The following MMS22L variants were observed in gnomAD, a reference collection of about 807,000 sequenced individuals.
MMS22L encodes the protein protein MMS22-like.
A neutral mutation model predicts 159.1 loss-of-function variants in MMS22L; 74 were observed. The observed-to-expected ratio is 0.47, with a 90% CI of 0.39 to 0.56. MMS22L has a LOEUF of 0.56. Ranked by LOEUF, MMS22L falls within the 20% of genes least tolerant of loss-of-function variation. The pLI, the probability that MMS22L is intolerant of heterozygous loss-of-function variation, is 0.00. For synonymous variants in MMS22L, 517 were observed against 506.9 expected (o/e 1.02, Z -0.27); for missense variants, 1,351 against 1,422.1 (o/e 0.95, Z 0.80).
chr6:97,260,008 G>A (rs1814283313), intron 9 of MMS22L: 1 of 152,080 alleles, frequency 6.6e-6, no homozygotes, highest in African/African-American at 2.4e-5. Flanking sequence ...TTGAGGCCTT[G>A]TTTTAAGTTG....
At chr6:97,176,361 T>TA (rs1271651551) in intron 18 of MMS22L, among the ~76,000 whole-genome samples, 1 of 152,078 alleles carries the variant, frequency 6.6e-6, no homozygotes, top group East Asian at 1.9e-4. Context: ...TTCCCTAGCC[T>TA]AAAAAACATG....
rs1349267299 is a variant in MMS22L at position 97,272,771 on chromosome 6, T to C, written c.539A>G (p.Tyr180Cys). 5 of 1,613,920 alleles carry C rather than the reference T, an allele frequency of 3.1e-6. No individual in the cohort carries two copies. In the African/African-American group the frequency reaches 5.3e-5, roughly 17 times the overall value. ...LIDELHGLLL[Y>C]IGHLSELPSV... is the part of the protein sequence containing the mutation. ...GGGAAGTTCAGATAGGTGTCCAATA[T>C]ACAAGAGTAATCCATGAAGCTCATC... Residue 180 changes from tyrosine (Y) to cysteine (C), a missense_variant, in exon 6 of 25, where the codon TAT becomes TGT. Coordinates refer to ENST00000683635, the MANE Select transcript of MMS22L (RefSeq NM_001350599.2).
At chr6:97,237,480 C>A (rs748721378) in intron 11 of MMS22L, among the ~76,000 whole-genome samples, 1 of 152,086 alleles carries the variant, frequency 6.6e-6, no homozygotes, top group African/African-American at 2.4e-5. Context: ...CCTTTCTTTA[C>A]GCTTTTATGG....
rs1420089042 is a variant in MMS22L, at chr6:97,146,773, A to G, written c.*33T>C. The G allele has an allele frequency of 1.5e-6, 2 of 1,375,850 alleles. No individual in the cohort carries two copies. The highest frequency in any genetic ancestry group is 2.0e-6 in the Non-Finnish European group (2 of 990,486). 85.2% of individuals were successfully genotyped at this position (1,375,850 alleles called of 1,614,324 possible). On this transcript the variant is annotated 3_prime_UTR_variant, in exon 25 of 25. Coordinates refer to ENST00000683635, the MANE Select transcript of MMS22L (RefSeq NM_001350599.2). The stretch of plus-strand genomic sequence containing the variant: ...TGGAACAATGTGGCTTTAGATACTG[A>G]TAATTAATAGACAGGATGAATCACA...
intron 14 of MMS22L, among the ~76,000 whole-genome samples, chr6:97,208,016 A>C (rs1807966444): frequency 6.6e-6 from 1 of 152,202 alleles, no homozygotes; most frequent in African/African-American, 2.4e-5. Context: ...AGATGTATTT[A>C]AGTATAAGAA....
chr6:97,160,709 C>G (rs940510488), intron 22 of MMS22L, among the ~76,000 whole-genome samples: 6 of 151,882 alleles, frequency 4.0e-5, no homozygotes, highest in Non-Finnish European at 7.4e-5. Flanking sequence ...GGCTTTCTCT[C>G]TTCTTCTGGT....
intron 4 of MMS22L, among the ~76,000 whole-genome samples, chr6:97,277,563 A>G (rs912171025): frequency 1.3e-5 from 2 of 152,136 alleles, no homozygotes; most frequent in African/African-American, 4.8e-5. Flanking sequence ...ACACACACAC[A>G]CAAAATGAAC....
In MMS22L at chr6:97,229,047, T is replaced by A; in HGVS notation, c.1886A>T (p.Asp629Val). 6.2e-7 allele frequency: 1 copy of A among 1,614,140 alleles called. No individual in the cohort carries two copies. Among genetic ancestry groups the A allele is most frequent in the Non-Finnish European group, 8.5e-7 (1 of 1,180,012 alleles). Residue 629 changes from aspartate (D) to valine (V), a missense_variant, in exon 14 of 25, where the codon GAT becomes GTT. Physicochemically the swap from Asp to Val is radical, Grantham distance 152. Coordinates refer to ENST00000683635, the MANE Select transcript of MMS22L (RefSeq NM_001350599.2). ...GGTCTCAAACACTTCTTGAACACCA[T>A]CAATGTATATGGAAAGAAGGGTCCA... ...TIWTLLSIYI[D>V]GVQEVFETSY...
At chr6:97,150,642 C>T (rs1801231669) in intron 23 of MMS22L, among the ~76,000 whole-genome samples, 1 of 152,094 alleles carries the variant, frequency 6.6e-6, no homozygotes, top group Admixed American at 6.5e-5. Context: ...TCCTTTTCTC[C>T]CCTCCTAGGG....
chr6:97,239,746 A>G (rs1309009805), intron 11 of MMS22L, among the ~76,000 whole-genome samples: 2 of 152,130 alleles, frequency 1.3e-5, no homozygotes, highest in African/African-American at 2.4e-5. Context: ...AGATCTGTCT[A>G]TAAAATGAAG....
rs765238656 is a variant in MMS22L, at chr6:97,161,962, T to C, written c.3385+40A>G. On this transcript the variant is annotated intron_variant, in intron 22 of 24. Coordinates refer to ENST00000683635, the MANE Select transcript of MMS22L (RefSeq NM_001350599.2). ...GGGGAAACAGTAGTTTCTTAACTTG[T>C]AAAAAGAAAATGGTAACAAAAATAA... The C allele has an allele frequency of 4.4e-6, 7 of 1,585,186 alleles. No homozygotes were observed. In the South Asian group the frequency reaches 4.6e-5, roughly 11 times the overall value.
intron 14 of MMS22L, among the ~76,000 whole-genome samples, chr6:97,217,776 C>G (rs1398847752): frequency 6.6e-6 from 1 of 152,130 alleles, no homozygotes; most frequent in Non-Finnish European, 1.5e-5. Flanking sequence ...CAGATGGACC[C>G]TGCTGTGATT....
At chr6:97,222,320 T>C (rs1433111817) in intron 14 of MMS22L, among the ~76,000 whole-genome samples, 1 of 151,950 alleles carries the variant, frequency 6.6e-6, no homozygotes, top group Non-Finnish European at 1.5e-5. Flanking sequence ...GGAATTTAAA[T>C]ATATATATAT....
chr6:97,235,375 T>C (rs1362766961), intron 11 of MMS22L, among the ~76,000 whole-genome samples: 5 of 152,200 alleles, frequency 3.3e-5, no homozygotes, highest in Non-Finnish European at 5.9e-5. Flanking sequence ...ATCTGACCTA[T>C]GGGTCTAGAG....
rs1180141872 is a variant in MMS22L at position 97,165,388 on chromosome 6, T to G, written c.3079A>C (p.Ile1027Leu). The change falls in exon 21 of 25, where the codon ATT (isoleucine) becomes CTT (leucine). Residue 1027 changes from isoleucine to leucine, a missense_variant. Transcript: ENST00000683635. The part of the protein sequence containing the change: ...AYLNQLLGNV[I>L]EQYIGRFLPA... ...AGAAATCGCCCAATATACTGCTCAA[T>G]AACATTCCCTAGCAATTGATTCAAA... 1.2e-6 allele frequency: 2 copies of G among 1,613,148 alleles called. No homozygotes were observed. The highest frequency in any genetic ancestry group is 2.7e-5 in the African/African-American group (2 of 74,834).
At chr6:97,165,522 A>G (rs1802877833) in intron 20 of MMS22L, 65 bp from the exon 21 acceptor site, 2 of 1,342,874 alleles carry the variant, frequency 1.5e-6, no homozygotes, top group African/African-American at 1.5e-5. Context: ...ATATTTAGAA[A>G]CTCACTAATG....
Position 97,277,540 on chromosome 6 carries a change from C to T in MMS22L, c.340+1309G>A, listed in dbSNP as rs192228404. Among the ~76,000 whole-genome samples, 398 of 152,118 alleles carry T rather than the reference C, an allele frequency of 2.6e-3. 2 individuals are homozygous for T. The highest frequency in any genetic ancestry group is 2.9e-3 in the Non-Finnish European group (197 of 67,974). On this transcript the variant is annotated intron_variant, in intron 4 of 24. Transcript: ENST00000683635. ...ATGGCACTATGCAATCACACACACT[C>T]CAAACAAAACACACACACACACACA...
In MMS22L at chr6:97,269,939, C is replaced by G; in HGVS notation, c.660G>C (p.Leu220=). The stretch of plus-strand genomic sequence containing the variant: ...CCAGCATGTAAAGAATTTCTAGCAC[C>G]AGCCAATGTATATCCAAGTGGAGAT... ...LLHLHLDIHW[L]VLEILYMLGE... is the part of the protein sequence containing the mutation. Residue 220 remains leucine, a synonymous_variant, in exon 7 of 25, where the codon CTG becomes CTC. Coordinates refer to ENST00000683635, the MANE Select transcript of MMS22L (RefSeq NM_001350599.2). 6.2e-7 allele frequency: 1 copy of G among 1,611,436 alleles called. No homozygotes were observed. The highest frequency in any genetic ancestry group is 1.1e-5 in the South Asian group (1 of 90,448).
At chr6:97,155,942 T>C (rs1256419137) in intron 22 of MMS22L, among the ~76,000 whole-genome samples, 1 of 151,856 alleles carries the variant, frequency 6.6e-6, no homozygotes, top group Non-Finnish European at 1.5e-5. Context: ...TAATTCACAC[T>C]CCCAACAGTG....
Sources: gnomAD v4.1 joint callset for allele counts (sites outside exome capture counted in the v4.1 genomes callset) on GRCh38, gnomAD v4.1.1 for gene constraint, MANE v1.5 for transcripts, NCBI Gene and HGNC (gene_info 2026-07-23, HGNC 2026-07-21) for gene names.